Variants in PARD3B observed in about 807,000 individuals in gnomAD.
PARD3B encodes partitioning defective 3 homolog B.
A neutral mutation model predicts 130.2 loss-of-function variants in PARD3B; 103 were observed. That is an observed-to-expected ratio of 0.79 (90% CI 0.67 to 0.93). The LOEUF is 0.93. Among genes scored for constraint, PARD3B ranks in the 40% least tolerant of loss-of-function variants. PARD3B has a pLI of 0.00. For synonymous variants in PARD3B, 583 were observed against 553.2 expected (o/e 1.05, Z -0.76); for missense variants, 1,609 against 1,499.2 (o/e 1.07, Z -1.21).
intron 21 of PARD3B, among the ~76,000 whole-genome samples, chr2:205,523,881 T>TA (rs1197665394): frequency 1.3e-5 from 2 of 150,730 alleles, no homozygotes; most frequent in Middle Eastern, 3.2e-3. Flanking sequence ...TTTAAATCCT[T>TA]AAAATCTGAT....
intron 2 of PARD3B, among the ~76,000 whole-genome samples, chr2:204,762,450 G>C (rs1045564191): frequency 4.6e-5 from 7 of 152,102 alleles, no homozygotes; most frequent in African/African-American, 1.7e-4. Flanking sequence ...TCTAAAGCTA[G>C]ATCAGATAAA....
intron 10 of PARD3B, among the ~76,000 whole-genome samples, chr2:205,149,925 T>C (rs1456917920): frequency 6.6e-6 from 1 of 152,126 alleles, no homozygotes; most frequent in East Asian, 1.9e-4. Context: ...TGGTCAAATA[T>C]CAGGCACTGC....
intron 1 of PARD3B, among the ~76,000 whole-genome samples, chr2:204,650,169 A>G (rs750325373): frequency 1.1e-4 from 16 of 152,306 alleles, no homozygotes; most frequent in Non-Finnish European, 2.2e-4. Context: ...TCACTGATCA[A>G]TAGAAAAATG....
intron 2 of PARD3B, among the ~76,000 whole-genome samples, chr2:204,850,512 G>GATATATGTATATATATATA (rs2044665331): frequency 7.4e-6 from 1 of 135,974 alleles, no homozygotes; most frequent in African/African-American, 3.6e-5. Flanking sequence ...ATATATATAT[G>GATATATGTATATATATATA]TGTGTGATTG....
chr2:205,581,400 T>TATATAA, intron 22 of PARD3B, among the ~76,000 whole-genome samples: 1 of 40,028 alleles, frequency 2.5e-5, no homozygotes, highest in Admixed American at 3.9e-4. Context: ...TATATAAATA[T>TATATAA]ATATATAAGT....
chr2:205,468,372 C>T (rs1044960247), intron 20 of PARD3B, among the ~76,000 whole-genome samples: 2 of 152,200 alleles, frequency 1.3e-5, no homozygotes, highest in African/African-American at 4.8e-5. Context: ...CTTCTCTTTC[C>T]CTGGGCTATA....
intron 10 of PARD3B, among the ~76,000 whole-genome samples, chr2:205,153,380 T>C (rs1307408368): frequency 6.6e-6 from 1 of 152,194 alleles, no homozygotes; most frequent in Non-Finnish European, 1.5e-5. Flanking sequence ...AGACTGGAGC[T>C]GTTCCTATGT....
intron 18 of PARD3B, among the ~76,000 whole-genome samples, chr2:205,326,478 A>G (rs1274575440): frequency 6.6e-6 from 1 of 152,172 alleles, no homozygotes; most frequent in Non-Finnish European, 1.5e-5. Flanking sequence ...GGAGGAGATG[A>G]CCAAGTCAGG....
At chr2:204,857,760 A>G (rs2045011509) in intron 2 of PARD3B, among the ~76,000 whole-genome samples, 1 of 152,138 alleles carries the variant, frequency 6.6e-6, no homozygotes, top group African/African-American at 2.4e-5. Context: ...AGAAAGTCAG[A>G]GAGTGACATC....
At chr2:205,559,878 C>T (rs1308668827) in intron 22 of PARD3B, among the ~76,000 whole-genome samples, 2 of 152,146 alleles carry the variant, frequency 1.3e-5, no homozygotes, top group African/African-American at 2.4e-5. Context: ...GGATTACAGG[C>T]GTGAGCCACC....
chr2:205,168,168 C>T (rs1379509892), intron 11 of PARD3B, among the ~76,000 whole-genome samples: 2 of 152,088 alleles, frequency 1.3e-5, no homozygotes, highest in African/African-American at 4.8e-5. Context: ...TTCCTTTACT[C>T]CTTTCTAGCT....
intron 2 of PARD3B, among the ~76,000 whole-genome samples, chr2:204,930,785 T>C (rs1043456348): frequency 6.6e-6 from 1 of 152,108 alleles, no homozygotes; most frequent in Non-Finnish European, 1.5e-5. Flanking sequence ...TTCTTGCTTG[T>C]TCAGACAGTT....
At chr2:204,818,965 G>C (rs2043238397) in intron 2 of PARD3B, among the ~76,000 whole-genome samples, 1 of 152,146 alleles carries the variant, frequency 6.6e-6, no homozygotes, top group South Asian at 2.1e-4. Flanking sequence ...AGAAGGTATA[G>C]ACAAGCATAT....
intron 4 of PARD3B, among the ~76,000 whole-genome samples, chr2:205,096,064 T>G (rs931480570): frequency 7.2e-5 from 11 of 152,142 alleles, no homozygotes; most frequent in African/African-American, 2.4e-4. Context: ...AGTATAAAAG[T>G]GTTATCTATT....
intron 1 of PARD3B, among the ~76,000 whole-genome samples, chr2:204,570,708 G>C (rs1422735805): frequency 6.6e-6 from 1 of 150,588 alleles, no homozygotes; most frequent in East Asian, 1.9e-4. Flanking sequence ...TGTTGTAACT[G>C]AGGTGTATAA....
chr2:204,731,479 A>C (rs549137097), intron 2 of PARD3B, among the ~76,000 whole-genome samples: 1 of 152,326 alleles, frequency 6.6e-6, no homozygotes, highest in South Asian at 2.1e-4. Context: ...TAAATGATTA[A>C]GTTTTAATTT....
chr2:205,118,735 T>G (rs2030238178), intron 6 of PARD3B, among the ~76,000 whole-genome samples, 186 bp from the exon 7 acceptor site: 1 of 152,196 alleles, frequency 6.6e-6, no homozygotes, highest in South Asian at 2.1e-4. Context: ...TAGAAGGGCT[T>G]TTTCTCTTGT....
rs760248686 is a variant in PARD3B, at chr2:205,300,626, A to G, written c.2282A>G (p.Asp761Gly). The G allele has an allele frequency of 1.9e-6, 3 of 1,613,760 alleles. No individual in the cohort carries two copies. Among genetic ancestry groups the G allele is most frequent in the Non-Finnish European group, 2.5e-6 (3 of 1,180,002 alleles). Reference sequence around the variant, plus strand: ...GCAGTGGCCGAGGTCAGGAAGAATGACCTTCCCTTTCACAGGCCCCGGCCG... The same window carrying G: ...GCAGTGGCCGAGGTCAGGAAGAATGGCCTTCCCTTTCACAGGCCCCGGCCG... ...QTAVAEVRKN[D>G]LPFHRPRPHM... Residue 761 changes from aspartate to glycine, a missense_variant, in exon 17 of 23, where the codon GAC (aspartate) becomes GGC (glycine). Asp to Gly is a moderately conservative substitution (Grantham distance 94). Coordinates refer to ENST00000406610, the MANE Select transcript of PARD3B (RefSeq NM_001302769.2). This position sits in a 1 kb window ranked among gnomAD's most constrained non-coding sequence, Gnocchi z 4.1.
intron 1 of PARD3B, among the ~76,000 whole-genome samples, chr2:204,549,861 C>T (rs1345142673): frequency 6.6e-6 from 1 of 152,052 alleles, no homozygotes; most frequent in Non-Finnish European, 1.5e-5. Flanking sequence ...CACTGATTTA[C>T]AGAAAGTGAA....
Sources: allele counts gnomAD v4.1 joint callset (sites outside exome capture counted in the v4.1 genomes callset), GRCh38; gene constraint gnomAD v4.1.1; non-coding constraint Gnocchi (gnomAD v3.1); transcripts MANE v1.5; gene names NCBI Gene and HGNC (gene_info 2026-07-23, HGNC 2026-07-21).